CDH11: variants seen among roughly 807,000 people sequenced by gnomAD.
The protein encoded by CDH11 is cadherin 11, also known as cadherin-11.
A neutral mutation model predicts 67.8 loss-of-function variants in CDH11; 11 were observed. That is an observed-to-expected ratio of 0.16 (90% CI 0.10 to 0.27). CDH11 has a LOEUF of 0.27. Among genes scored for constraint, CDH11 ranks in the 10% least tolerant of loss-of-function variants. The pLI is 1.00. For missense variants in CDH11, 847 were observed against 1,031.2 expected, an observed-to-expected ratio of 0.82 and a Z score of 2.45; for synonymous variants, 419 against 400.0, an observed-to-expected ratio of 1.05 and a Z score of -0.57.
chr16:65,123,278 G>A (rs2075366312), upstream of CDH11, among the ~76,000 whole-genome samples: 2 of 152,050 alleles, frequency 1.3e-5, no homozygotes, highest in African/African-American at 4.8e-5. Context: ...GGAGGAAGGT[G>A]GAGACGCCAG....
Position 64,971,969 on chromosome 16 carries a change from T to C in CDH11, c.1486A>G (p.Ile496Val), listed in dbSNP as rs2072016437. 1.2e-6 allele frequency: 2 copies of C among 1,614,016 alleles called. No homozygotes were observed. The highest frequency in any genetic ancestry group is 1.1e-5 in the South Asian group (1 of 91,084). ...GGCTTGGTCTGATCACTCTCACAGATGAAACCTTCATAAGGGGCAGCAAAC... is the reference window on the plus strand; with the variant it reads ...GGCTTGGTCTGATCACTCTCACAGACGAAACCTTCATAAGGGGCAGCAAAC... ...PKFAAPYEGFICESDQTKPLS... is the reference protein window; with the variant it reads ...PKFAAPYEGFVCESDQTKPLS... Residue 496 changes from isoleucine to valine, a missense_variant, in exon 10 of 13, where the codon ATC becomes GTC. By Grantham distance (29) the Ile-to-Val change is conservative. Around this residue, in one of 2 missense-constraint regions of CDH11, gnomAD observed 612 missense variants for 678.7 expected, o/e 0.90. Transcript: ENST00000268603.
At chr16:65,067,196 G>GAAAAAAAAA (rs35005523) in intron 1 of CDH11, among the ~76,000 whole-genome samples, 1 of 142,448 alleles carries the variant, frequency 7.0e-6, no homozygotes. Flanking sequence ...GAGTCAACAG[G>GAAAAAAAAA]AAAAAAAAAA....
intron 1 of CDH11, among the ~76,000 whole-genome samples, chr16:65,077,719 G>T (rs1031278261): frequency 1.3e-5 from 2 of 152,122 alleles, no homozygotes; most frequent in African/African-American, 4.8e-5. Context: ...ACGTCATTAC[G>T]CAGCTATAGG....
chr16:65,066,970 C>T (rs924619692), intron 1 of CDH11, among the ~76,000 whole-genome samples: 2 of 152,178 alleles, frequency 1.3e-5, no homozygotes, highest in African/African-American at 4.8e-5. Flanking sequence ...AGTGATTTTA[C>T]TAACTGTTCT....
intron 6 of CDH11, among the ~76,000 whole-genome samples, chr16:64,989,602 C>T (rs146425838): frequency 0.013 from 2,054 of 152,226 alleles, 25 homozygotes; most frequent in Non-Finnish European, 0.021. Context: ...TGACTACAGC[C>T]TTCTGGTGAG....
At chr16:65,040,451 A>C (rs2073845275) in intron 2 of CDH11, among the ~76,000 whole-genome samples, 1 of 152,118 alleles carries the variant, frequency 6.6e-6, no homozygotes, top group Non-Finnish European at 1.5e-5. Flanking sequence ...AAACTATCGC[A>C]AGGACAAAAA....
rs2071181773 is a variant in CDH11 at position 64,945,537 on chromosome 16, G to A, written c.*2066C>T. 3 of 1,031,192 alleles carry A rather than the reference G, an allele frequency of 2.9e-6. No homozygotes were observed. The highest frequency in any genetic ancestry group is 3.5e-6 in the Non-Finnish European group (3 of 857,180). The allele number at this position is 1,031,192 out of a possible 1,614,324, so 63.9% of individuals were successfully genotyped here. ...TATTTCTTCATTGCAAATTCAATTG[G>A]AGATCTGTGCAAATCTAGCAAAATA... On this transcript the variant is annotated 3_prime_UTR_variant, in exon 13 of 13. Transcript: ENST00000268603.
chr16:65,053,715 C>T (rs2074096464), intron 2 of CDH11, 89 bp downstream of exon 2: 10 of 431,156 alleles, frequency 2.3e-5, no homozygotes, highest in South Asian at 1.5e-4. Context: ...CAAATCAAGC[C>T]ACATTTGAGA....
chr16:65,002,227 C>CT (rs1337487977), intron 3 of CDH11, among the ~76,000 whole-genome samples: 3 of 151,856 alleles, frequency 2.0e-5, no homozygotes, highest in Admixed American at 6.6e-5. Context: ...CCTTTCCCCT[C>CT]TTTTTTTTCT....
intron 1 of CDH11, among the ~76,000 whole-genome samples, chr16:65,116,638 T>C (rs1301991168): frequency 1.3e-5 from 2 of 152,210 alleles, no homozygotes; most frequent in Non-Finnish European, 2.9e-5. Flanking sequence ...TGAGGGACAC[T>C]TGGTGCCAGA....
At chr16:65,023,818 G>T (rs776941309) in intron 2 of CDH11, among the ~76,000 whole-genome samples, 1 of 152,152 alleles carries the variant, frequency 6.6e-6, no homozygotes, top group Non-Finnish European at 1.5e-5. Flanking sequence ...ACCAGAGTTC[G>T]CTTTCATTGC....
In CDH11 at chr16:64,998,875, G is replaced by A; in HGVS notation, c.229-19C>T. 1 of 1,608,176 alleles carries A rather than the reference G, an allele frequency of 6.2e-7. No individual in the cohort carries two copies. Among genetic ancestry groups the A allele is most frequent in the Non-Finnish European group, 8.5e-7 (1 of 1,175,360 alleles). On this transcript the variant is annotated intron_variant, in intron 3 of 12. Transcript: ENST00000268603. ...AATGAAGCTGGAAGAAAGAGAAATTGAGATTTTTAATTCCATGAGGAAAGC... is the reference window on the plus strand; with the variant it reads ...AATGAAGCTGGAAGAAAGAGAAATTAAGATTTTTAATTCCATGAGGAAAGC...
At chr16:65,010,398 A>T (rs930537649) in intron 2 of CDH11, among the ~76,000 whole-genome samples, 1 of 152,176 alleles carries the variant, frequency 6.6e-6, no homozygotes, top group African/African-American at 2.4e-5. Flanking sequence ...AATCACAGGA[A>T]TTATGCCATG....
chr16:65,027,239 T>C (rs1045798252), intron 2 of CDH11, among the ~76,000 whole-genome samples: 1 of 152,212 alleles, frequency 6.6e-6, no homozygotes, highest in African/African-American at 2.4e-5. Flanking sequence ...CCTTGTTTTT[T>C]ATGAAAGCAC....
intron 11 of CDH11, among the ~76,000 whole-genome samples, chr16:64,969,312 G>A (rs2071936300): frequency 6.6e-6 from 1 of 152,118 alleles, no homozygotes; most frequent in Admixed American, 6.5e-5. Flanking sequence ...ATCACAGCAG[G>A]GAAAGCTTAG....
chr16:65,035,906 AAT>A (rs2073745049), intron 2 of CDH11, among the ~76,000 whole-genome samples: 1 of 152,128 alleles, frequency 6.6e-6, no homozygotes. Context: ...CCTCAGGAAA[AAT>A]ATAGTTTCCA....
intron 2 of CDH11, among the ~76,000 whole-genome samples, chr16:65,015,439 A>G (rs2073282768): frequency 1.3e-5 from 2 of 151,932 alleles, no homozygotes; most frequent in South Asian, 4.1e-4. Flanking sequence ...AATAAAATAA[A>G]GAGTGAAAAA....
At chr16:65,041,925 T>G (rs750116710) in intron 2 of CDH11, among the ~76,000 whole-genome samples, 4 of 152,200 alleles carry the variant, frequency 2.6e-5, no homozygotes, top group Non-Finnish European at 5.9e-5. Flanking sequence ...CCCTCAAATC[T>G]GAGTAATGGT....
At chr16:65,110,624 ATGTGTGTGTGTGTG>A (rs57316241) in intron 1 of CDH11, among the ~76,000 whole-genome samples, 1,572 of 135,894 alleles carry the variant, frequency 0.012, 24 homozygotes, top group African/African-American at 0.028. Flanking sequence ...ATGGCCAATG[ATGTGTGTGTGTGTG>A]TGTGTGTGTG....
Sources: allele counts gnomAD v4.1 joint callset (sites outside exome capture counted in the v4.1 genomes callset), GRCh38; gene constraint gnomAD v4.1.1; regional missense constraint gnomAD v4.1.1; transcripts MANE v1.5; gene names NCBI Gene and HGNC (gene_info 2026-07-23, HGNC 2026-07-21).